Variants in ITGA9 observed in about 807,000 individuals in gnomAD.
The protein encoded by ITGA9 is integrin subunit alpha 9.
In ITGA9, 56 loss-of-function variants were observed where a neutral mutation model predicts 127.8. That is an observed-to-expected ratio of 0.44 (90% CI 0.35 to 0.55). ITGA9 has a LOEUF of 0.55. ITGA9 is among the 20% of genes least tolerant of loss of function. The probability of loss-of-function intolerance (pLI) is 0.00; values close to 1 mark genes in which losing one functional copy is unlikely to be tolerated. For synonymous variants in ITGA9, 508 were observed against 514.5 expected (o/e 0.99, Z 0.17); for missense variants, 1,196 against 1,347.1 (o/e 0.89, Z 1.76).
At chr3:37,655,391 A>G (rs1700467626) in intron 17 of ITGA9, among the ~76,000 whole-genome samples, 1 of 152,226 alleles carries the variant, frequency 6.6e-6, no homozygotes. Flanking sequence ...TGCCATTCTA[A>G]CTGGCGTGAC....
chr3:37,566,154 TC>T, intron 15 of ITGA9, among the ~76,000 whole-genome samples: 1 of 152,240 alleles, frequency 6.6e-6, no homozygotes, highest in Middle Eastern at 3.4e-3. Context: ...AGTACAATAG[TC>T]CCCCCTTATC....
At chr3:37,507,623 C>T (rs1022430532) in intron 7 of ITGA9, among the ~76,000 whole-genome samples, 1 of 152,120 alleles carries the variant, frequency 6.6e-6, no homozygotes, top group Non-Finnish European at 1.5e-5. Flanking sequence ...TTATAAAGTA[C>T]ATAAAAATGC....
Position 37,528,586 on chromosome 3 carries a change from A to T in ITGA9, c.1373+2515A>T, listed in dbSNP as rs535003318. 2.6e-5 allele frequency among the ~76,000 whole-genome samples: 4 copies of T among 152,322 alleles called. No homozygotes were observed. The South Asian group carries it at 6.2e-4, about 24-fold the overall frequency. On this transcript the variant is annotated intron_variant, in intron 13 of 27. Coordinates refer to ENST00000264741, the MANE Select transcript of ITGA9 (RefSeq NM_002207.3). Reference sequence around the variant, plus strand: ...TTGACCTGTTGAGATGCAGCCATGCATCAGATCCTGGGGATTTGATGGGAA... The same window carrying T: ...TTGACCTGTTGAGATGCAGCCATGCTTCAGATCCTGGGGATTTGATGGGAA...
At chr3:37,563,223 AT>A (rs1699511729) in intron 15 of ITGA9, among the ~76,000 whole-genome samples, 1 of 152,218 alleles carries the variant, frequency 6.6e-6, no homozygotes, top group Admixed American at 6.5e-5. Context: ...GTGCAAAACA[AT>A]TCTGTTTGTT....
chr3:37,689,314 A>G (rs9824859), intron 18 of ITGA9, among the ~76,000 whole-genome samples: 11,805 of 152,278 alleles, frequency 0.078, 1,410 homozygotes, highest in African/African-American at 0.26. Context: ...AACATGGGGT[A>G]CACATGGATG....
chr3:37,788,955 C>T (rs775487330), intron 26 of ITGA9, among the ~76,000 whole-genome samples: 1 of 152,140 alleles, frequency 6.6e-6, no homozygotes, highest in Non-Finnish European at 1.5e-5. Flanking sequence ...ATTTTGTAAA[C>T]ACTAATTTTT....
chr3:37,529,195 C>T (rs180860009), intron 13 of ITGA9, among the ~76,000 whole-genome samples: 1 of 152,308 alleles, frequency 6.6e-6, no homozygotes, highest in African/African-American at 2.4e-5. Context: ...CAATCCATGA[C>T]ATAAGTGGGG....
chr3:37,710,775 T>C (rs1190576959), intron 18 of ITGA9, among the ~76,000 whole-genome samples: 1 of 152,154 alleles, frequency 6.6e-6, no homozygotes, highest in African/African-American at 2.4e-5. Flanking sequence ...CAAGGAAGGC[T>C]TGGTGTCTCC....
rs181625981 is a variant in ITGA9 at position 37,749,954 on chromosome 3, G to A, written c.2434-508G>A. On this transcript the variant is annotated intron_variant, in intron 22 of 27. Coordinates refer to ENST00000264741, the MANE Select transcript of ITGA9 (RefSeq NM_002207.3). ...AGTGGTGGTTCCTGGACCAGCAGCA[G>A]CAGCATCTCCTGGGACCATGTTATA... 2.8e-3 allele frequency among the ~76,000 whole-genome samples: 429 copies of A among 152,284 alleles called. 3 individuals carry two copies. Among genetic ancestry groups the A allele is most frequent in the Non-Finnish European group, 4.6e-3 (313 of 68,024 alleles).
chr3:37,611,461 G>C (rs1008089411), intron 15 of ITGA9, among the ~76,000 whole-genome samples: 2 of 152,122 alleles, frequency 1.3e-5, no homozygotes, highest in African/African-American at 4.8e-5. Flanking sequence ...AAAACCAGTA[G>C]GAATGGGGTG....
At chr3:37,741,652 C>T (rs778989642) in intron 20 of ITGA9, 78 bp from the exon 21 acceptor site, 1 of 1,135,792 alleles carries the variant, frequency 8.8e-7, no homozygotes, top group South Asian at 1.3e-5. Flanking sequence ...AGATTCAACT[C>T]TAAAGTGGAA....
chr3:37,695,107 G>A lies in ITGA9; in HGVS notation c.2067+11092G>A, dbSNP rs551919850. Among the ~76,000 whole-genome samples the A allele has an allele frequency of 7.2e-5, 11 of 152,304 alleles. No homozygotes were observed. In the South Asian group the frequency reaches 2.3e-3, roughly 32 times the overall value. ...AAGGTACTGTTCCATCTCCAGCTTAGGAAGCTGAGTTTTGTTCTCCCGTAA... is the reference window on the plus strand; with the variant it reads ...AAGGTACTGTTCCATCTCCAGCTTAAGAAGCTGAGTTTTGTTCTCCCGTAA... On this transcript the variant is annotated intron_variant, in intron 18 of 27. Transcript: ENST00000264741.
At chr3:37,545,173 C>T (rs1242179626) in intron 15 of ITGA9, among the ~76,000 whole-genome samples, 2 of 152,148 alleles carry the variant, frequency 1.3e-5, no homozygotes, top group African/African-American at 4.8e-5. Flanking sequence ...GATGCAGTCT[C>T]TACTGCAAGT....
intron 23 of ITGA9, among the ~76,000 whole-genome samples, chr3:37,763,136 T>C (rs1320999597): frequency 3.9e-5 from 6 of 152,258 alleles, no homozygotes; most frequent in Admixed American, 6.5e-5. Flanking sequence ...CCAGCCATCA[T>C]GTAGCTTACA....
At position 37,612,246 on chromosome 3, in the gene ITGA9, T is replaced by C. The variant is rs148497544; in HGVS notation, c.1690-16941T>C. Among the ~76,000 whole-genome samples, 986 of 152,268 alleles carry C rather than the reference T, an allele frequency of 6.5e-3. 12 individuals carry two copies. The highest frequency in any genetic ancestry group is 0.022 in the African/African-American group (907 of 41,540). Reference sequence around the variant, plus strand: ...TTGGCCGTTGGGAAGCGCACGTGGATCCTTTCTCAGAATATGCTTTTACAT... The same window carrying C: ...TTGGCCGTTGGGAAGCGCACGTGGACCCTTTCTCAGAATATGCTTTTACAT... On this transcript the variant is annotated intron_variant, in intron 15 of 27. Coordinates refer to ENST00000264741, the MANE Select transcript of ITGA9 (RefSeq NM_002207.3).
At chr3:37,463,247 A>G (rs1698335604) in intron 1 of ITGA9, among the ~76,000 whole-genome samples, 1 of 152,152 alleles carries the variant, frequency 6.6e-6, no homozygotes, top group East Asian at 1.9e-4. Flanking sequence ...GTTTTCTATC[A>G]CCACAATATT....
At chr3:37,673,089 C>T (rs1700652535) in intron 17 of ITGA9, among the ~76,000 whole-genome samples, 1 of 152,066 alleles carries the variant, frequency 6.6e-6, no homozygotes, top group African/African-American at 2.4e-5. Context: ...GAATCGAAAA[C>T]AATAGGCAGT....
intron 1 of ITGA9, 74 bp from the exon 2 acceptor site, chr3:37,470,933 G>C (rs1698423868): frequency 6.5e-7 from 1 of 1,530,208 alleles, no homozygotes; most frequent in Non-Finnish European, 9.0e-7. Context: ...CCCGTGGTTG[G>C]GTGAATACTT....
At chr3:37,725,165 T>C (rs1696168849) in intron 18 of ITGA9, among the ~76,000 whole-genome samples, 1 of 152,244 alleles carries the variant, frequency 6.6e-6, no homozygotes, top group Non-Finnish European at 1.5e-5. Context: ...ACAGGAGTGC[T>C]TGCTTATGTG....
Sources: allele counts gnomAD v4.1 joint callset (sites outside exome capture counted in the v4.1 genomes callset), GRCh38; gene constraint gnomAD v4.1.1; transcripts MANE v1.5; gene names NCBI Gene and HGNC (gene_info 2026-07-23, HGNC 2026-07-21).